Variants in GATAD1 observed in about 807,000 individuals in gnomAD.
GATAD1 encodes the protein GATA zinc finger domain-containing protein 1.
Under a neutral mutation model 26.5 loss-of-function variants are expected in GATAD1, and 12 were observed. That is an observed-to-expected ratio of 0.45 (90% CI 0.29 to 0.73). The LOEUF (loss-of-function observed/expected upper bound fraction) is 0.73, where lower values mean the gene tolerates loss of function less well. Ranked by LOEUF, GATAD1 falls within the 30% of genes least tolerant of loss-of-function variation. GATAD1 has a pLI of 0.10. For synonymous variants in GATAD1, 129 were observed against 133.1 expected (o/e 0.97, Z 0.21); for missense variants, 266 against 342.1 (o/e 0.78, Z 1.75).
chr7:92,467,416 C>A, the GATAD1 span, among the ~76,000 whole-genome samples: 3 of 152,196 alleles, frequency 2.0e-5, no homozygotes, highest in Non-Finnish European at 4.4e-5. Flanking sequence ...AGGAAAATTT[C>A]TTGCCTCATT....
chr7:92,448,783 G>A lies in GATAD1; in HGVS notation c.281G>A (p.Arg94Gln). 1 of 1,611,430 alleles carries A rather than the reference G, an allele frequency of 6.2e-7. No individual in the cohort carries two copies. Among genetic ancestry groups the A allele is most frequent in the Non-Finnish European group, 8.5e-7 (1 of 1,177,618 alleles). ...SKQEIHRRSARLRNTKYKSAP... is the reference protein window; with the variant it reads ...SKQEIHRRSAQLRNTKYKSAP... ...CAGGAAATTCACAGGAGGTCTGCTC[G>A]GCTCAGAAACACTAAATACAAATCT... is the stretch of plus-strand genomic sequence containing the variant. Residue 94 changes from arginine (R) to glutamine (Q), a missense_variant, in exon 2 of 5, where the codon CGG (arginine) becomes CAG (glutamine). By Grantham distance (43) the Arg-to-Gln change is conservative (BLOSUM62 1). Coordinates refer to ENST00000287957, the MANE Select transcript of GATAD1 (RefSeq NM_021167.5).
the GATAD1 span, chr7:92,471,876 T>C: frequency 1.6e-3 from 239 of 152,326 alleles, 3 homozygotes; most frequent in African/African-American, 5.6e-3. Flanking sequence ...AGAGTCTGTA[T>C]ATATATTTGC....
At chr7:92,468,143 G>A in the GATAD1 span, among the ~76,000 whole-genome samples, 1 of 152,232 alleles carries the variant, frequency 6.6e-6, no homozygotes, top group Non-Finnish European at 1.5e-5. Context: ...GGAACCCAGT[G>A]ACTAGTGTTC....
At chr7:92,490,955 A>G in the GATAD1 span, among the ~76,000 whole-genome samples, 8 of 152,214 alleles carry the variant, frequency 5.3e-5, no homozygotes, top group Non-Finnish European at 1.0e-4. Context: ...TGTTCATGAT[A>G]ACAGAATTTA....
the GATAD1 span, among the ~76,000 whole-genome samples, chr7:92,465,657 GT>G: frequency 2.0e-5 from 3 of 151,844 alleles, no homozygotes; most frequent in Non-Finnish European, 4.4e-5. Flanking sequence ...AACCTGTGTT[GT>G]TTATTAAACA....
intron 3 of GATAD1, among the ~76,000 whole-genome samples, chr7:92,452,230 C>G (rs781517521): frequency 2.6e-5 from 4 of 152,164 alleles, no homozygotes; most frequent in Non-Finnish European, 5.9e-5. Context: ...GTGTGTGGGA[C>G]CTGTTATTGT....
the GATAD1 span, chr7:92,493,399 T>C: frequency 1.3e-4 from 26 of 199,942 alleles, no homozygotes; most frequent in Admixed American, 1.4e-3. Flanking sequence ...CTTTGGGAGG[T>C]TGAGGTGGGA....
At chr7:92,452,006 TA>T (rs964579547) in intron 3 of GATAD1, among the ~76,000 whole-genome samples, 1 of 152,214 alleles carries the variant, frequency 6.6e-6, no homozygotes, top group Admixed American at 6.5e-5. Context: ...GTCTCATCTG[TA>T]AAATAGGAAT....
downstream of GATAD1, among the ~76,000 whole-genome samples, chr7:92,460,512 C>T (rs140979990): frequency 2.7e-3 from 411 of 152,250 alleles, 2 homozygotes; most frequent in African/African-American, 9.1e-3. Flanking sequence ...TTAAGCACCT[C>T]TTAATGGTGA....
At chr7:92,463,035 G>C (rs1020453731), downstream of GATAD1, 1 of 152,216 alleles carries the variant, frequency 6.6e-6, no homozygotes, top group Non-Finnish European at 1.5e-5. Flanking sequence ...TGGTGAGGTC[G>C]TGCAGTGGGA....
the GATAD1 span, among the ~76,000 whole-genome samples, chr7:92,491,919 A>G: frequency 9.2e-5 from 14 of 152,322 alleles, no homozygotes; most frequent in Admixed American, 3.3e-4. Context: ...ATGGCTTGCC[A>G]AAATAGCAAA....
the GATAD1 span, chr7:92,489,472 A>G: frequency 4.5e-6 from 7 of 1,541,352 alleles, no homozygotes; most frequent in Non-Finnish European, 6.3e-6. Context: ...GGATGTAAAA[A>G]AAAATGTGGT....
chr7:92,463,696 C>T (rs1416722609), downstream of GATAD1, among the ~76,000 whole-genome samples: 8 of 147,278 alleles, frequency 5.4e-5, no homozygotes, highest in Admixed American at 6.8e-5. Flanking sequence ...TACCTGGGTG[C>T]GGTGGCTCAT....
chr7:92,470,242 A>G, the GATAD1 span: 9 of 778,664 alleles, frequency 1.2e-5, no homozygotes, highest in African/African-American at 3.4e-5. Flanking sequence ...TGGGGCATCA[A>G]TATTTCCGGG....
the GATAD1 span, chr7:92,468,837 G>C: frequency 1.3e-6 from 1 of 764,422 alleles, no homozygotes; most frequent in Non-Finnish European, 2.4e-6. Flanking sequence ...GGGTGCCTTT[G>C]ATGTCATTAA....
chr7:92,493,943 ATTCAC>A, the GATAD1 span: 1 of 282,146 alleles, frequency 3.5e-6, no homozygotes, highest in Non-Finnish European at 6.8e-6. Context: ...CATGCTTACG[ATTCAC>A]ATGCTTGATT....
At chr7:92,487,636 A>G in the GATAD1 span, 2 of 554,366 alleles carry the variant, frequency 3.6e-6, no homozygotes, top group Non-Finnish European at 6.3e-6. Context: ...TATTTTAAGA[A>G]ATGAACGGGA....
the GATAD1 span, among the ~76,000 whole-genome samples, chr7:92,476,577 CTCTT>C: frequency 1.3e-5 from 2 of 152,222 alleles, no homozygotes; most frequent in Non-Finnish European, 1.5e-5. Context: ...CTATTTCTTT[CTCTT>C]TCTTTCTCTC....
chr7:92,466,009 A>G, the GATAD1 span, among the ~76,000 whole-genome samples: 1 of 152,204 alleles, frequency 6.6e-6, no homozygotes, highest in African/African-American at 2.4e-5. Flanking sequence ...GTCTCAAAAA[A>G]AAGAAAAAAG....
Sources: allele counts gnomAD v4.1 joint callset (sites outside exome capture counted in the v4.1 genomes callset), GRCh38; gene constraint gnomAD v4.1.1; transcripts MANE v1.5; gene names NCBI Gene and HGNC (gene_info 2026-07-23, HGNC 2026-07-21).